TBCEL: variants seen among roughly 807,000 people sequenced by gnomAD.
TBCEL encodes the protein tubulin folding cofactor E like.
Under a neutral mutation model 44.2 loss-of-function variants are expected in TBCEL, and 15 were observed. The observed-to-expected ratio is 0.34, with a 90% CI of 0.23 to 0.52. The LOEUF is 0.52. Among genes scored for constraint, TBCEL ranks in the 20% least tolerant of loss-of-function variants. The pLI is 0.95. For synonymous variants in TBCEL, 171 were observed against 185.4 expected (o/e 0.92, Z 0.63); for missense variants, 319 against 506.3 (o/e 0.63, Z 3.55).
intron 8 of TBCEL, among the ~76,000 whole-genome samples, chr11:121,065,365 G>C (rs1287373851): frequency 2.0e-5 from 3 of 152,090 alleles, no homozygotes; most frequent in Non-Finnish European, 2.9e-5. Context: ...AGCAAGGGGG[G>C]CCTAAGTGAG....
chr11:121,032,843 G>T (rs1251661348), intron 1 of TBCEL, among the ~76,000 whole-genome samples: 1 of 152,142 alleles, frequency 6.6e-6, no homozygotes, highest in Non-Finnish European at 1.5e-5. Flanking sequence ...CAAATTTTTT[G>T]TCACTTTGTG....
rs1256764464 is a variant in TBCEL at position 121,043,783 on chromosome 11, C to T, written c.-17-1891C>T. The stretch of plus-strand genomic sequence containing the variant: ...TTCTTTTTCTTCATGACTCTGTTTC[C>T]TCTGCCTGTCCCTTAAATATCAGTG... On this transcript the variant is annotated intron_variant, in intron 2 of 8. Transcript: ENST00000683345. Among the ~76,000 whole-genome samples the T allele has an allele frequency of 2.6e-5, 4 of 152,084 alleles. No homozygotes were observed. The East Asian group carries it at 5.8e-4, about 22-fold the overall frequency.
At chr11:121,074,800 A>G (rs1365939322) in intron 8 of TBCEL, among the ~76,000 whole-genome samples, 4 of 151,900 alleles carry the variant, frequency 2.6e-5, no homozygotes, top group Non-Finnish European at 5.9e-5. Flanking sequence ...ATTTTTCCAG[A>G]ATGTCGGATA....
intron 3 of TBCEL, 99 bp from the exon 4 acceptor site, chr11:121,047,429 A>AT: frequency 7.1e-7 from 1 of 1,398,892 alleles, no homozygotes. Flanking sequence ...GTAATTTCAC[A>AT]CAGTTTGATT....
At chr11:121,073,289 T>C (rs1458811926) in intron 8 of TBCEL, among the ~76,000 whole-genome samples, 6 of 152,062 alleles carry the variant, frequency 3.9e-5, no homozygotes, top group Non-Finnish European at 7.4e-5. Context: ...ATAGAATGTT[T>C]TTTTCATTTA....
At chr11:121,052,338 A>G (rs1049917568) in intron 4 of TBCEL, among the ~76,000 whole-genome samples, 1 of 151,814 alleles carries the variant, frequency 6.6e-6, no homozygotes, top group Non-Finnish European at 1.5e-5. Flanking sequence ...TATGCTAAGC[A>G]CTTTAATGTG....
chr11:121,082,580 G>A (rs1051514852), intron 8 of TBCEL, among the ~76,000 whole-genome samples: 14 of 152,222 alleles, frequency 9.2e-5, no homozygotes, highest in African/African-American at 3.4e-4. Context: ...GAGGAGTGAT[G>A]TGATACAATT....
chr11:121,071,863 C>A (rs1255628471), intron 8 of TBCEL, among the ~76,000 whole-genome samples: 2 of 152,114 alleles, frequency 1.3e-5, no homozygotes, highest in Non-Finnish European at 2.9e-5. Flanking sequence ...TGTCCGTTAC[C>A]TCATATTCCT....
intron 4 of TBCEL, among the ~76,000 whole-genome samples, chr11:121,051,297 T>C (rs1347134418): frequency 4.0e-5 from 6 of 151,818 alleles, no homozygotes; most frequent in African/African-American, 2.4e-5. Context: ...TTCAAAACCC[T>C]TAAATTATCT....
At chr11:121,061,238 A>G (rs1945715361) in intron 8 of TBCEL, among the ~76,000 whole-genome samples, 2 of 151,982 alleles carry the variant, frequency 1.3e-5, no homozygotes, top group African/African-American at 4.8e-5. Context: ...ATGCTATAGT[A>G]TCTATGGTTT....
intron 8 of TBCEL, among the ~76,000 whole-genome samples, chr11:121,060,592 G>A (rs1437455228): frequency 6.6e-6 from 1 of 151,850 alleles, no homozygotes; most frequent in African/African-American, 2.4e-5. Context: ...AAATGCTGAG[G>A]GCTAAATTAG....
intron 8 of TBCEL, among the ~76,000 whole-genome samples, chr11:121,070,575 C>T (rs2134989670): frequency 6.6e-6 from 1 of 152,114 alleles, no homozygotes; most frequent in Admixed American, 6.5e-5. Context: ...AAGCTGGAAA[C>T]CATCATTCTT....
chr11:121,045,038 C>G (rs1945404497), intron 2 of TBCEL, among the ~76,000 whole-genome samples: 1 of 152,040 alleles, frequency 6.6e-6, no homozygotes, highest in Admixed American at 6.6e-5. Context: ...GTGTATATTC[C>G]TTGGGTTCAT....
At chr11:121,048,214 T>A (rs1945468205) in intron 4 of TBCEL, among the ~76,000 whole-genome samples, 1 of 151,824 alleles carries the variant, frequency 6.6e-6, no homozygotes, top group Non-Finnish European at 1.5e-5. Flanking sequence ...AAAATTGACA[T>A]AAAATTGTTG....
At chr11:121,032,746 A>G (rs895980634) in intron 1 of TBCEL, among the ~76,000 whole-genome samples, 3 of 152,198 alleles carry the variant, frequency 2.0e-5, no homozygotes, top group Non-Finnish European at 4.4e-5. Flanking sequence ...CATGGAAAGG[A>G]CACTTGTTTA....
In TBCEL at chr11:121,055,073, C is replaced by T; in HGVS notation, c.477C>T (p.Cys159=). 6.5e-7 allele frequency: 1 copy of T among 1,543,894 alleles called. No homozygotes were observed. Among genetic ancestry groups the T allele is most frequent in the Non-Finnish European group, 8.8e-7 (1 of 1,140,576 alleles). Residue 159 remains cysteine, a synonymous_variant, in exon 6 of 9, where the codon TGC becomes TGT. Transcript: ENST00000683345. The part of the protein sequence containing the change: ...ELPDLEELFL[C]LNDYETVSCP... ...GCAGTTTGGAGGAGCTCTTCCTGTG[C>T]CTTAATGACTATGAAACAGTGTCTT...
intron 8 of TBCEL, among the ~76,000 whole-genome samples, chr11:121,083,434 G>C (rs1418298668): frequency 6.6e-6 from 1 of 152,216 alleles, no homozygotes. Context: ...AAGACTAGAA[G>C]AGAACACAGC....
At chr11:121,081,927 A>G (rs1396314188) in intron 8 of TBCEL, among the ~76,000 whole-genome samples, 1 of 152,230 alleles carries the variant, frequency 6.6e-6, no homozygotes, top group Non-Finnish European at 1.5e-5. Context: ...TCCAAAGCCT[A>G]ACCCATCTAT....
At chr11:121,053,446 A>G in intron 4 of TBCEL, 105 bp from the exon 5 acceptor site, 1 of 981,846 alleles carries the variant, frequency 1.0e-6, no homozygotes, top group Non-Finnish European at 1.5e-6. Context: ...CTTGATGTAA[A>G]TGGCCCTTTG....
Sources: gnomAD v4.1 joint callset for allele counts (sites outside exome capture counted in the v4.1 genomes callset) on GRCh38, gnomAD v4.1.1 for gene constraint, MANE v1.5 for transcripts, NCBI Gene and HGNC (gene_info 2026-07-23, HGNC 2026-07-21) for gene names.